Variants in SPIN1 observed in about 807,000 individuals in gnomAD.
SPIN1 encodes the protein spindlin-1.
SPIN1 carries 3 observed loss-of-function variants against 26.0 expected under a neutral mutation model. The ratio of observed to expected loss-of-function variants is 0.12; its 90% CI spans 0.05 to 0.30. The LOEUF (loss-of-function observed/expected upper bound fraction) is 0.30, where lower values mean the gene tolerates loss of function less well. Ranked by LOEUF, SPIN1 falls within the 10% of genes least tolerant of loss-of-function variation. SPIN1 has a pLI of 1.00. For missense variants in SPIN1, 126 were observed against 333.4 expected (o/e 0.38, Z 4.84); for synonymous variants, 101 against 116.5 (o/e 0.87, Z 0.86).
At chr9:88,457,038 A>AAGT (rs1828486508) in intron 3 of SPIN1, among the ~76,000 whole-genome samples, 1 of 152,198 alleles carries the variant, frequency 6.6e-6, no homozygotes, top group Non-Finnish European at 1.5e-5. Flanking sequence ...TCAAGATGAA[A>AAGT]AGTATGACAG....
intron 1 of SPIN1, among the ~76,000 whole-genome samples, chr9:88,414,893 AG>A (rs1259351499): frequency 1.3e-5 from 2 of 152,074 alleles, no homozygotes; most frequent in African/African-American, 4.8e-5. Context: ...TTAGTGGTTT[AG>A]GGTGTTTAAT....
intron 1 of SPIN1, among the ~76,000 whole-genome samples, chr9:88,426,025 ATCT>A (rs1293352617): frequency 1.3e-5 from 2 of 152,142 alleles, no homozygotes; most frequent in East Asian, 3.9e-4. Context: ...TGCTGTCTAA[ATCT>A]TCTGTGAAAT....
rs545080342 is a variant in SPIN1 at position 88,396,431 on chromosome 9, G to A, written c.-159+7893G>A. The stretch of plus-strand genomic sequence containing the variant: ...AGCCTGGCCAACATGGTGAAACCCC[G>A]TCTCTACTAAAAATACAAAAATTAG... On this transcript the variant is annotated intron_variant, in intron 1 of 5. Transcript: ENST00000375859. 3.3e-5 allele frequency among the ~76,000 whole-genome samples: 5 copies of A among 151,198 alleles called. No homozygotes were observed. In the East Asian group the frequency reaches 5.9e-4, roughly 18 times the overall value.
Position 88,475,320 on chromosome 9 carries a change from TA to T in SPIN1, c.*44del. 1.9e-6 allele frequency: 3 copies of T among 1,583,790 alleles called. No individual in the cohort carries two copies. The highest frequency in any genetic ancestry group is 2.6e-6 in the Non-Finnish European group (3 of 1,156,298). ...GCCAAATTTGTGGAACTATGAAATG[TA>T]TTATTTGTAGACATAAAGACTTGAT... On this transcript the variant is annotated 3_prime_UTR_variant, in exon 6 of 6. Transcript: ENST00000375859.
intron 2 of SPIN1, among the ~76,000 whole-genome samples, chr9:88,443,658 A>G (rs1457244626): frequency 2.0e-5 from 3 of 152,214 alleles, no homozygotes; most frequent in African/African-American, 4.8e-5. Context: ...TGTCTGGGTA[A>G]CAGGAGCTGT....
chr9:88,426,879 A>G (rs758487085), intron 2 of SPIN1, among the ~76,000 whole-genome samples: 2 of 151,510 alleles, frequency 1.3e-5, no homozygotes, highest in Non-Finnish European at 2.9e-5. Flanking sequence ...TTTTTTCCGG[A>G]AGAGTTAAAG....
intron 1 of SPIN1, among the ~76,000 whole-genome samples, chr9:88,395,044 G>T (rs866469654): frequency 1.3e-5 from 2 of 151,872 alleles, no homozygotes; most frequent in African/African-American, 2.4e-5. Context: ...TCCTGACCTC[G>T]TGATCTGTCC....
chr9:88,393,213 G>C (rs1338710240), intron 1 of SPIN1, among the ~76,000 whole-genome samples: 1 of 150,568 alleles, frequency 6.6e-6, no homozygotes, highest in Non-Finnish European at 1.5e-5. Flanking sequence ...AATGGTGAGA[G>C]AATACATGAA....
intron 1 of SPIN1, among the ~76,000 whole-genome samples, chr9:88,390,818 A>G (rs763801490): frequency 2.0e-5 from 3 of 152,222 alleles, no homozygotes; most frequent in Non-Finnish European, 4.4e-5. Flanking sequence ...CCAAAGCCAC[A>G]TAACTGATTC....
intron 1 of SPIN1, among the ~76,000 whole-genome samples, chr9:88,400,934 G>A (rs1314161885): frequency 3.3e-5 from 5 of 152,134 alleles, no homozygotes; most frequent in Non-Finnish European, 5.9e-5. Context: ...GATCAGTTGA[G>A]CTGGGGAAGT....
At chr9:88,424,907 T>G (rs1827736395) in intron 1 of SPIN1, among the ~76,000 whole-genome samples, 1 of 152,150 alleles carries the variant, frequency 6.6e-6, no homozygotes, top group Non-Finnish European at 1.5e-5. Flanking sequence ...TACCATAATC[T>G]TCAACAAATG....
At chr9:88,456,854 G>A (rs1174112661) in intron 3 of SPIN1, among the ~76,000 whole-genome samples, 2 of 152,116 alleles carry the variant, frequency 1.3e-5, no homozygotes, top group African/African-American at 4.8e-5. Context: ...ATCCTAAAGA[G>A]TTCCTAGAAG....
intron 1 of SPIN1, among the ~76,000 whole-genome samples, chr9:88,404,726 G>A (rs2117925933): frequency 6.6e-6 from 1 of 152,076 alleles, no homozygotes; most frequent in East Asian, 1.9e-4. Flanking sequence ...GACCATCCTG[G>A]CCAACATGGT....
intron 2 of SPIN1, among the ~76,000 whole-genome samples, chr9:88,431,799 C>T (rs1827877933): frequency 6.6e-6 from 1 of 152,040 alleles, no homozygotes; most frequent in Non-Finnish European, 1.5e-5. Context: ...ACTATAATCC[C>T]AGCGCTTTGG....
intron 4 of SPIN1, among the ~76,000 whole-genome samples, chr9:88,466,992 C>T (rs1828682649): frequency 6.6e-6 from 1 of 152,186 alleles, no homozygotes; most frequent in African/African-American, 2.4e-5. Flanking sequence ...CCGCCTTGGA[C>T]TCCCAAAGTG....
intron 2 of SPIN1, among the ~76,000 whole-genome samples, chr9:88,430,286 C>T (rs368752008): frequency 2.0e-5 from 3 of 152,318 alleles, no homozygotes; most frequent in African/African-American, 7.2e-5. Context: ...TTTAGCCACC[C>T]GGCCTCCTGG....
intron 1 of SPIN1, among the ~76,000 whole-genome samples, chr9:88,409,731 A>G (rs1336670469): frequency 6.6e-6 from 1 of 151,776 alleles, no homozygotes; most frequent in Non-Finnish European, 1.5e-5. Context: ...CCAGCTACTC[A>G]GGAGGCTGAG....
intron 5 of SPIN1, 83 bp downstream of exon 5, chr9:88,468,688 C>A: frequency 2.3e-6 from 2 of 857,738 alleles, no homozygotes; most frequent in Non-Finnish European, 3.3e-6. Flanking sequence ...GGCTCTTTTG[C>A]AGATACATTT....
chr9:88,435,257 C>T (rs750293882), intron 2 of SPIN1, among the ~76,000 whole-genome samples: 1 of 151,374 alleles, frequency 6.6e-6, no homozygotes, highest in Non-Finnish European at 1.5e-5. Context: ...ACTCCGTCAC[C>T]CAGGCTGGAG....
Sources: allele counts gnomAD v4.1 joint callset (sites outside exome capture counted in the v4.1 genomes callset), GRCh38; gene constraint gnomAD v4.1.1; transcripts MANE v1.5; gene names NCBI Gene and HGNC (gene_info 2026-07-23, HGNC 2026-07-21).